The following SEC24B variants were observed in gnomAD, a reference collection of about 807,000 sequenced individuals.
The protein encoded by SEC24B is protein transport protein Sec24B.
A neutral mutation model predicts 142.8 loss-of-function variants in SEC24B; 45 were observed. That is an observed-to-expected ratio of 0.32 (90% CI 0.25 to 0.40). The LOEUF is 0.40. SEC24B is among the 10% of genes least tolerant of loss of function. The pLI, the probability that SEC24B is intolerant of heterozygous loss-of-function variation, is 1.00. For synonymous variants in SEC24B, 574 were observed against 568.2 expected (o/e 1.01, Z -0.15); for missense variants, 1,409 against 1,526.8 (o/e 0.92, Z 1.29).
In SEC24B at chr4:109,447,092, C is replaced by G. The variant is rs189077822; in HGVS notation, c.133+13090C>G. 2.9e-3 allele frequency among the ~76,000 whole-genome samples: 439 copies of G among 152,186 alleles called. 1 individual carries two copies. The highest frequency in any genetic ancestry group is 4.6e-3 in the Non-Finnish European group (312 of 68,000). Reference sequence around the variant, plus strand: ...AATGTTTTCCTAGAGAAGAGCTGAGCTGAGATCTGAAGAATAAGTTAAGAA... The same window carrying G: ...AATGTTTTCCTAGAGAAGAGCTGAGGTGAGATCTGAAGAATAAGTTAAGAA... On this transcript the variant is annotated intron_variant, in intron 1 of 23. Transcript: ENST00000265175.
At chr4:109,507,731 C>G (rs558180539) in intron 7 of SEC24B, among the ~76,000 whole-genome samples, 1 of 152,074 alleles carries the variant, frequency 6.6e-6, no homozygotes, top group African/African-American at 2.4e-5. Flanking sequence ...CCGCAATCTC[C>G]GCCTCCCAGG....
chr4:109,527,444 T>G lies in SEC24B; in HGVS notation c.3076+12T>G. On this transcript the variant is annotated intron_variant, in intron 18 of 23. Coordinates refer to ENST00000265175, the MANE Select transcript of SEC24B (RefSeq NM_006323.5). Reference sequence around the variant, plus strand: ...TCTGGCAAACATGGGTGAGTAAAAATTGAAGGAACATGTGAAATGTATTTT... The same window carrying G: ...TCTGGCAAACATGGGTGAGTAAAAAGTGAAGGAACATGTGAAATGTATTTT... 1 of 1,549,952 alleles carries G rather than the reference T, an allele frequency of 6.5e-7. No individual in the cohort carries two copies. Among genetic ancestry groups the G allele is most frequent in the South Asian group, 1.1e-5 (1 of 89,092 alleles).
At chr4:109,467,244 T>C (rs1394278389) in intron 2 of SEC24B, among the ~76,000 whole-genome samples, 1 of 145,308 alleles carries the variant, frequency 6.9e-6, no homozygotes, top group Non-Finnish European at 1.5e-5. Flanking sequence ...GAGAATGGCG[T>C]GAACCCGGGA....
At position 109,538,607 on chromosome 4, in the gene SEC24B, T is replaced by C. The variant is rs1725816215; in HGVS notation, c.3692+11T>C. On this transcript the variant is annotated intron_variant, in intron 23 of 23. Coordinates refer to ENST00000265175, the MANE Select transcript of SEC24B (RefSeq NM_006323.5). The stretch of plus-strand genomic sequence containing the variant: ...CCTTCACATAGTAAAGTAAGTACTT[T>C]TGTAACTTAATTATGAAGTTGTCTT... The C allele has an allele frequency of 6.6e-7, 1 of 1,516,388 alleles. No homozygotes were observed. The highest frequency in any genetic ancestry group is 9.2e-7 in the Non-Finnish European group (1 of 1,091,602). 93.9% of individuals were successfully genotyped at this position (1,516,388 alleles called of 1,614,324 possible).
In SEC24B at chr4:109,532,752, C is replaced by A. The variant is rs34727629; in HGVS notation, c.3495+9C>A. ...TTATGGACTGTGGCTCTGTAAGCAC[C>A]CTTTACTGGCAAAGCTTAACACTGT... On this transcript the variant is annotated intron_variant, in intron 21 of 23. Coordinates refer to ENST00000265175, the MANE Select transcript of SEC24B (RefSeq NM_006323.5). 7.5e-7 allele frequency: 1 copy of A among 1,330,438 alleles called. No homozygotes were observed. 82.4% of individuals were successfully genotyped at this position (1,330,438 alleles called of 1,614,324 possible).
chr4:109,494,672 C>T lies in SEC24B; in HGVS notation c.1304C>T (p.Pro435Leu), dbSNP rs757517336. ...CCTGATCCCGCCCCTGAACCTGATCCTGCTTCTGCTCCAGCTCCAGCTTCA... is the reference window on the plus strand; with the variant it reads ...CCTGATCCCGCCCCTGAACCTGATCTTGCTTCTGCTCCAGCTCCAGCTTCA... The part of the protein sequence containing the change: ...PAPDPAPEPD[P>L]ASAPAPASAP... Residue 435 changes from proline to leucine, a missense_variant, in exon 6 of 24, where the codon CCT (proline) becomes CTT (leucine). Coordinates refer to ENST00000265175, the MANE Select transcript of SEC24B (RefSeq NM_006323.5). 5.6e-6 allele frequency: 9 copies of T among 1,614,120 alleles called. No individual in the cohort carries two copies. Among genetic ancestry groups the T allele is most frequent in the Non-Finnish European group, 7.6e-6 (9 of 1,179,974 alleles).
intron 4 of SEC24B, among the ~76,000 whole-genome samples, chr4:109,483,070 A>T (rs796239377): frequency 9.3e-5 from 10 of 106,968 alleles, no homozygotes; most frequent in South Asian, 6.0e-4. Flanking sequence ...ATATATATAT[A>T]TATGTATGTA....
chr4:109,465,907 A>C (rs1046485886), intron 2 of SEC24B, among the ~76,000 whole-genome samples: 13 of 152,318 alleles, frequency 8.5e-5, no homozygotes, highest in African/African-American at 2.9e-4. Context: ...TGGATGCCAT[A>C]ATGAATATAT....
At chr4:109,450,928 A>G (rs978420787) in intron 1 of SEC24B, 4 of 151,934 alleles carry the variant, frequency 2.6e-5, no homozygotes, top group Non-Finnish European at 5.9e-5. Flanking sequence ...TGCTCCTGGA[A>G]GGTCACCATA....
chr4:109,477,520 C>T (rs1733302523), intron 3 of SEC24B, among the ~76,000 whole-genome samples: 1 of 151,928 alleles, frequency 6.6e-6, no homozygotes, highest in African/African-American at 2.4e-5. Flanking sequence ...GAGATGAGGT[C>T]TTACAGTGTT....
chr4:109,508,255 C>T (rs988434748), intron 7 of SEC24B, among the ~76,000 whole-genome samples: 2 of 152,106 alleles, frequency 1.3e-5, no homozygotes, highest in East Asian at 1.9e-4. Context: ...AGGTTAGGTA[C>T]CCCCTACGTA....
intron 4 of SEC24B, among the ~76,000 whole-genome samples, chr4:109,482,516 A>G (rs1733832585): frequency 6.6e-6 from 1 of 152,210 alleles, no homozygotes; most frequent in South Asian, 2.1e-4. Context: ...TATTTGCTGC[A>G]TATACATAGT....
At chr4:109,512,213 T>C in intron 9 of SEC24B, 130 bp downstream of exon 9, 2 of 812,374 alleles carry the variant, frequency 2.5e-6, no homozygotes, top group Non-Finnish European at 3.8e-6. Context: ...GTAGAGGGAA[T>C]ATAGGCTAAG....
intron 4 of SEC24B, among the ~76,000 whole-genome samples, chr4:109,483,859 T>C (rs1734075836): frequency 6.6e-6 from 1 of 152,188 alleles, no homozygotes. Flanking sequence ...GCATGTACGC[T>C]TTACCCAGAT....
chr4:109,534,294 C>A (rs1445695029), intron 22 of SEC24B, among the ~76,000 whole-genome samples: 1 of 149,940 alleles, frequency 6.7e-6, no homozygotes, highest in African/African-American at 2.5e-5. Flanking sequence ...TTTTTTTATA[C>A]TATTAAAATG....
intron 16 of SEC24B, 111 bp downstream of exon 16, chr4:109,525,615 A>C: frequency 1.6e-5 from 10 of 632,746 alleles, no homozygotes; most frequent in Non-Finnish European, 2.5e-5. Context: ...GTTTGATCTC[A>C]TTAGCTATAC....
intron 1 of SEC24B, among the ~76,000 whole-genome samples, chr4:109,446,441 G>A (rs1272078433): frequency 1.3e-5 from 2 of 152,192 alleles, no homozygotes; most frequent in Non-Finnish European, 2.9e-5. Flanking sequence ...ACACTTTGTA[G>A]CCCAGTGAAA....
chr4:109,455,723 T>G (rs1230471808), intron 1 of SEC24B, among the ~76,000 whole-genome samples: 6 of 152,248 alleles, frequency 3.9e-5, no homozygotes, highest in Non-Finnish European at 8.8e-5. Flanking sequence ...ATGGGTCTGT[T>G]TCTAGACTGT....
At position 109,523,803 on chromosome 4, in the gene SEC24B, G is replaced by A. The variant is rs141231257; in HGVS notation, c.2509-1015G>A. On this transcript the variant is annotated intron_variant, in intron 14 of 23. Transcript: ENST00000265175. Reference sequence around the variant, plus strand: ...ATCTTTAAGTTATTAAATAAAGAATGTTTTGTTTATTTGGGTTTTTTAATC... The same window carrying A: ...ATCTTTAAGTTATTAAATAAAGAATATTTTGTTTATTTGGGTTTTTTAATC... 2.4e-4 allele frequency among the ~76,000 whole-genome samples: 37 copies of A among 152,226 alleles called. No homozygotes were observed. The East Asian group carries it at 5.4e-3, about 22-fold the overall frequency.
Sources: gnomAD v4.1 joint callset for allele counts (sites outside exome capture counted in the v4.1 genomes callset) on GRCh38, gnomAD v4.1.1 for gene constraint, MANE v1.5 for transcripts, NCBI Gene and HGNC (gene_info 2026-07-23, HGNC 2026-07-21) for gene names.